The following CAMK1G variants were observed in gnomAD, a reference collection of about 807,000 sequenced individuals.
CAMK1G encodes the protein calcium/calmodulin dependent protein kinase IG, also known as calcium/calmodulin-dependent protein kinase type 1G.
Under a neutral mutation model 54.8 loss-of-function variants are expected in CAMK1G, and 27 were observed. The observed-to-expected ratio is 0.49, with a 90% confidence interval of 0.36 to 0.68. CAMK1G has a LOEUF of 0.68. Among genes scored for constraint, CAMK1G ranks in the 30% least tolerant of loss-of-function variants. CAMK1G has a pLI of 0.00. For synonymous variants in CAMK1G, 238 were observed against 224.9 expected (o/e 1.06, Z -0.52); for missense variants, 512 against 591.0 (o/e 0.87, Z 1.39).
intron 8 of CAMK1G, 85 bp from the exon 9 acceptor site, chr1:209,609,766 A>C: frequency 1.5e-6 from 2 of 1,344,332 alleles, no homozygotes; most frequent in Non-Finnish European, 1.1e-6. Flanking sequence ...AGATGCATTC[A>C]CTGCCACCCA....
chr1:209,597,431 A>C (rs1430606016), intron 2 of CAMK1G, among the ~76,000 whole-genome samples: 1 of 152,268 alleles, frequency 6.6e-6, no homozygotes, highest in Non-Finnish European at 1.5e-5. Flanking sequence ...TGCCTGACAC[A>C]GAGAGGTTCC....
At position 209,592,335 on chromosome 1, in the gene CAMK1G, ACT is replaced by A. The variant is rs1405408680; in HGVS notation, c.-29-2617_-29-2616del. ...ACTCTAGCCTGGGTAATAGAGCAAGACTCTGTCTCAAAAAAAAAAAAAAAAAA... is the reference window on the plus strand; with the variant it reads ...ACTCTAGCCTGGGTAATAGAGCAAGACTGTCTCAAAAAAAAAAAAAAAAAA... On this transcript the variant is annotated intron_variant, in intron 1 of 12. Transcript: ENST00000361322. Among the ~76,000 whole-genome samples, 6 of 115,274 alleles carry A rather than the reference ACT, an allele frequency of 5.2e-5. No individual in the cohort carries two copies. The Admixed American group carries it at 6.4e-4, about 12-fold the overall frequency. 75.6% of individuals were successfully genotyped at this position (115,274 alleles called of 152,430 possible).
At chr1:209,595,207 G>T (rs901996334) in intron 2 of CAMK1G, 132 bp downstream of exon 2, 24 of 653,568 alleles carry the variant, frequency 3.7e-5, no homozygotes, top group Non-Finnish European at 5.9e-5. Flanking sequence ...TTATTTAAGG[G>T]ACTTAGGGAG....
In CAMK1G at chr1:209,600,021, T is replaced by G; in HGVS notation, c.131T>G (p.Leu44Arg). The G allele has an allele frequency of 6.2e-7, 1 of 1,613,934 alleles. No homozygotes were observed. The highest frequency in any genetic ancestry group is 8.5e-7 in the Non-Finnish European group (1 of 1,179,858). Residue 44 changes from leucine to arginine, a missense_variant, in exon 3 of 13, where the codon CTG becomes CGG. Coordinates refer to ENST00000361322, the MANE Select transcript of CAMK1G (RefSeq NM_020439.3). ...GAAGTTTTCCTGGTGAAGCAAAGAC[T>G]GACTGGGAAGCTCTTTGCTCTGAAG... ...FSEVFLVKQR[L>R]TGKLFALKCI...
chr1:209,607,388 T>A (rs1411693520), intron 6 of CAMK1G, among the ~76,000 whole-genome samples: 1 of 152,186 alleles, frequency 6.6e-6, no homozygotes, highest in Admixed American at 6.5e-5. Context: ...CTGCCTTTGC[T>A]CTGGGAGCTC....
intron 1 of CAMK1G, 28 bp from the exon 2 acceptor site, chr1:209,594,927 C>A: frequency 2.1e-6 from 3 of 1,443,332 alleles, no homozygotes; most frequent in Non-Finnish European, 2.9e-6. Flanking sequence ...CCTTTTTTCT[C>A]CTCCTTCTCC....
rs371880689 is a variant in CAMK1G, at chr1:209,612,183, A to T, written c.1307A>T (p.Glu436Val). The T allele has an allele frequency of 1.5e-5, 25 of 1,614,106 alleles. No homozygotes were observed. The highest frequency in any genetic ancestry group is 2.0e-5 in the Non-Finnish European group (24 of 1,180,016). Residue 436 changes from glutamate to valine, a missense_variant, in exon 11 of 13, where the codon GAG becomes GTG. Transcript: ENST00000361322. ...GSKGKSSYCS[E>V]PTLLKKANKK... ...AAAGGAAAGTCCTCCTACTGCTCTG[A>T]GCCCACACTCCTCAAAAAGGCCAAC... is the stretch of plus-strand genomic sequence containing the variant.
At chr1:209,596,086 A>G (rs751115346) in intron 2 of CAMK1G, among the ~76,000 whole-genome samples, 1 of 152,178 alleles carries the variant, frequency 6.6e-6, no homozygotes, top group Non-Finnish European at 1.5e-5. Flanking sequence ...TTCACTTTGC[A>G]CTGACTAGAA....
chr1:209,600,242 C>T, intron 3 of CAMK1G, 131 bp downstream of exon 3: 1 of 1,084,464 alleles, frequency 9.2e-7, no homozygotes, highest in African/African-American at 1.6e-5. Context: ...GTTGATGGGT[C>T]AGTTCAGTCA....
rs752282907 is a variant in CAMK1G, at chr1:209,611,876, G to C, written c.1000G>C (p.Glu334Gln). 82 of 1,614,148 alleles carry C rather than the reference G, an allele frequency of 5.1e-5. No individual in the cohort carries two copies. Among genetic ancestry groups the C allele is most frequent in the Non-Finnish European group, 6.7e-5 (79 of 1,180,060 alleles). ...LHSPGVRPEV[E>Q]NRPPETQASE... Reference sequence around the variant, plus strand: ...CAGCCCGGGCGTCCGCCCAGAGGTGGAGAACAGGCCGCCTGAAACTCAAGC... The same window carrying C: ...CAGCCCGGGCGTCCGCCCAGAGGTGCAGAACAGGCCGCCTGAAACTCAAGC... The change falls in exon 11 of 13, where the codon GAG (glutamate) becomes CAG (glutamine). Residue 334 changes from glutamate (E) to glutamine (Q), a missense_variant. Transcript: ENST00000361322.
At chr1:209,598,514 C>T (rs1414315141) in intron 2 of CAMK1G, among the ~76,000 whole-genome samples, 3 of 152,322 alleles carry the variant, frequency 2.0e-5, no homozygotes, top group South Asian at 2.1e-4. Context: ...GAAATCTCTC[C>T]ACAGCTGCAG....
At chr1:209,611,326 G>T (rs1665775551) in intron 9 of CAMK1G, 139 bp from the exon 10 acceptor site, 2 of 714,244 alleles carry the variant, frequency 2.8e-6, no homozygotes, top group Admixed American at 2.7e-5. Flanking sequence ...AGACCTGCTT[G>T]CAGCCCTTTC....
In CAMK1G at chr1:209,612,012, G is replaced by T. The variant is rs375273380; in HGVS notation, c.1136G>T (p.Arg379Leu). The T allele has an allele frequency of 6.8e-6, 11 of 1,614,118 alleles. No individual in the cohort carries two copies. The highest frequency in any genetic ancestry group is 9.3e-6 in the Non-Finnish European group (11 of 1,180,042). ...ALTQLPCQHGRRPTAPGGRSL... is the reference protein window; with the variant it reads ...ALTQLPCQHGLRPTAPGGRSL... ...ACCCAATTACCCTGCCAGCATGGCC[G>T]CCGGCCCACTGCCCCTGGTGGCAGG... Residue 379 changes from arginine to leucine, a missense_variant, in exon 11 of 13, where the codon CGC (arginine) becomes CTC (leucine). Arg to Leu is a moderately radical substitution (Grantham distance 102, BLOSUM62 -2). Transcript: ENST00000361322.
In CAMK1G at chr1:209,597,652, C is replaced by T. The variant is rs549416191; in HGVS notation, c.93-2331C>T. ...AATGGATGAATAGAGCAAGCTCGGG[C>T]GGCTTTGATTAACTCAGTTCCAAGT... On this transcript the variant is annotated intron_variant, in intron 2 of 12. Transcript: ENST00000361322. Among the ~76,000 whole-genome samples, 8 of 152,282 alleles carry T rather than the reference C, an allele frequency of 5.3e-5. No homozygotes were observed. The South Asian group carries it at 6.2e-4, about 12-fold the overall frequency.
At chr1:209,607,019 T>C (rs1195563314) in intron 6 of CAMK1G, among the ~76,000 whole-genome samples, 1 of 152,206 alleles carries the variant, frequency 6.6e-6, no homozygotes, top group Non-Finnish European at 1.5e-5. Flanking sequence ...GCAGGGCACC[T>C]GGAAGAGTAT....
chr1:209,594,069 C>A (rs1054184088), intron 1 of CAMK1G, among the ~76,000 whole-genome samples: 1 of 152,142 alleles, frequency 6.6e-6, no homozygotes, highest in African/African-American at 2.4e-5. Flanking sequence ...TTCACATGCT[C>A]TTTGCTTGGT....
At chr1:209,609,667 G>C (rs1028184225) in intron 8 of CAMK1G, among the ~76,000 whole-genome samples, 184 bp from the exon 9 acceptor site, 1 of 152,136 alleles carries the variant, frequency 6.6e-6, no homozygotes, top group African/African-American at 2.4e-5. Flanking sequence ...TCCCTTCTTT[G>C]GTGGTTTATG....
At chr1:209,587,257 G>A (rs1665126839) in intron 1 of CAMK1G, among the ~76,000 whole-genome samples, 1 of 151,966 alleles carries the variant, frequency 6.6e-6, no homozygotes, top group Non-Finnish European at 1.5e-5. Context: ...CCACAAGGAG[G>A]GTGAAACTGT....
At position 209,603,622 on chromosome 1, in the gene CAMK1G, C is replaced by T. The variant is rs1665579403; in HGVS notation, c.296+334C>T. Among the ~76,000 whole-genome samples the T allele has an allele frequency of 2.0e-5, 3 of 152,316 alleles. No individual in the cohort carries two copies. The South Asian group carries it at 6.2e-4, about 32-fold the overall frequency. ...TCTGCTGCCCCACCCCTCCTCGCCC[C>T]TTGCAACCAAACGACCGAAGGGGTA... On this transcript the variant is annotated intron_variant, in intron 4 of 12. Coordinates refer to ENST00000361322, the MANE Select transcript of CAMK1G (RefSeq NM_020439.3).
Sources: allele counts gnomAD v4.1 joint callset (sites outside exome capture counted in the v4.1 genomes callset), GRCh38; gene constraint gnomAD v4.1.1; transcripts MANE v1.5; gene names NCBI Gene and HGNC (gene_info 2026-07-23, HGNC 2026-07-21).